PGM5: variants seen among roughly 807,000 people sequenced by gnomAD.
The protein encoded by PGM5 is phosphoglucomutase 5.
A neutral mutation model predicts 59.2 loss-of-function variants in PGM5; 23 were observed. That is an observed-to-expected ratio of 0.39 (90% CI 0.28 to 0.55). The LOEUF (loss-of-function observed/expected upper bound fraction) is 0.55. Among genes scored for constraint, PGM5 ranks in the 20% least tolerant of loss-of-function variants. The pLI, the probability that PGM5 is intolerant of heterozygous loss-of-function variation, is 0.66. For missense variants in PGM5, 574 were observed against 748.3 expected (o/e 0.77, Z 2.72); for synonymous variants, 214 against 286.0 (o/e 0.75, Z 2.54).
At chr9:68,503,910 A>C (rs1337432777) in intron 10 of PGM5, among the ~76,000 whole-genome samples, 9 of 152,248 alleles carry the variant, frequency 5.9e-5, no homozygotes, top group African/African-American at 1.9e-4. Context: ...CAAACTAATT[A>C]CCGGCCAATC....
At chr9:68,456,352 C>G (rs1823775643) in intron 6 of PGM5, among the ~76,000 whole-genome samples, 1 of 151,622 alleles carries the variant, frequency 6.6e-6, no homozygotes, top group African/African-American at 2.4e-5. Flanking sequence ...GCTGTGTCAC[C>G]CAGGCTGAAG....
At chr9:68,422,945 G>C (rs1425941381) in intron 6 of PGM5, among the ~76,000 whole-genome samples, 1 of 152,168 alleles carries the variant, frequency 6.6e-6, no homozygotes, top group Non-Finnish European at 1.5e-5. Flanking sequence ...TCATAGCTTA[G>C]CTCCCACTTA....
At chr9:68,489,349 G>T (rs758183125) in intron 9 of PGM5, among the ~76,000 whole-genome samples, 43 of 152,150 alleles carry the variant, frequency 2.8e-4, no homozygotes, top group Non-Finnish European at 3.7e-4. Context: ...AACTGGATTT[G>T]AAATGAGAAA....
intron 6 of PGM5, among the ~76,000 whole-genome samples, chr9:68,450,266 A>G (rs1275765634): frequency 5.4e-5 from 8 of 149,118 alleles, no homozygotes; most frequent in Non-Finnish European, 1.2e-4. Context: ...AACAAAAACA[A>G]AAACAAAACA....
At chr9:68,459,229 A>C (rs1823822876) in intron 6 of PGM5, among the ~76,000 whole-genome samples, 1 of 152,228 alleles carries the variant, frequency 6.6e-6, no homozygotes, top group African/African-American at 2.4e-5. Context: ...ATGGACATAC[A>C]GAAAAGGCAC....
intron 9 of PGM5, among the ~76,000 whole-genome samples, chr9:68,487,384 A>G (rs1023662921): frequency 6.6e-6 from 1 of 151,326 alleles, no homozygotes; most frequent in African/African-American, 2.4e-5. Flanking sequence ...CTTGACCAGA[A>G]TCCTTAATTT....
rs1823181159 is a variant in PGM5 at position 68,423,563 on chromosome 9, G to T, written c.1043+31090G>T. On this transcript the variant is annotated intron_variant, in intron 6 of 10. Coordinates refer to ENST00000396396, the MANE Select transcript of PGM5 (RefSeq NM_021965.4). ...GAATGGCATGCAGAGCTGACATTAG[G>T]TTCAATCAGGTTGTTTCTCTTCCCC... Among the ~76,000 whole-genome samples the T allele has an allele frequency of 1.3e-5, 2 of 151,920 alleles. 1 individual carries two copies. Among genetic ancestry groups the T allele is most frequent in the African/African-American group, 4.8e-5 (2 of 41,336 alleles).
intron 6 of PGM5, among the ~76,000 whole-genome samples, chr9:68,434,745 G>A (rs993633015): frequency 6.6e-6 from 1 of 151,460 alleles, no homozygotes; most frequent in South Asian, 2.1e-4. Context: ...GTCGGAGATC[G>A]CACCACTGCG....
intron 8 of PGM5, among the ~76,000 whole-genome samples, chr9:68,481,708 T>G (rs916970686): frequency 2.0e-5 from 3 of 152,250 alleles, no homozygotes; most frequent in Admixed American, 2.0e-4. Context: ...TAATTACTTC[T>G]TCATAACAAA....
rs782629119 is a variant in PGM5, at chr9:68,357,398, C to T, written c.261+10C>T. ...GGCCGCGGCCAACGGGGTGAGTGTC[C>T]GGATGCCCCTCGCTTCCCGCCGCGC... On this transcript the variant is annotated intron_variant, in intron 1 of 10. Coordinates refer to ENST00000396396, the MANE Select transcript of PGM5 (RefSeq NM_021965.4). The T allele has an allele frequency of 1.9e-6, 3 of 1,555,710 alleles. No individual in the cohort carries two copies. The highest frequency in any genetic ancestry group is 1.7e-6 in the Non-Finnish European group (2 of 1,153,428).
chr9:68,417,158 T>A lies in PGM5; in HGVS notation c.1043+24685T>A, dbSNP rs148244639. 1.4e-3 allele frequency among the ~76,000 whole-genome samples: 210 copies of A among 152,352 alleles called. 3 individuals are homozygous for A. In the East Asian group the frequency reaches 0.036, roughly 26 times the overall value. On this transcript the variant is annotated intron_variant, in intron 6 of 10. Transcript: ENST00000396396. The stretch of plus-strand genomic sequence containing the variant: ...GGGCCTACTGGTATCTTTAGGACCA[T>A]CTGCAGCACAGCTAGGTAAAGTAGG...
chr9:68,413,966 G>A (rs527948577), intron 6 of PGM5, among the ~76,000 whole-genome samples: 1 of 152,312 alleles, frequency 6.6e-6, no homozygotes, highest in East Asian at 1.9e-4. Context: ...GGGCCTAATG[G>A]GAGGTGTTTG....
At chr9:68,363,096 C>A (rs1254793285) in intron 1 of PGM5, among the ~76,000 whole-genome samples, 14 of 151,822 alleles carry the variant, frequency 9.2e-5, no homozygotes, top group African/African-American at 2.4e-4. Context: ...TCTTGAACTC[C>A]TGACCTCAAG....
chr9:68,387,126 G>A (rs1435379705), intron 3 of PGM5, among the ~76,000 whole-genome samples: 2 of 151,958 alleles, frequency 1.3e-5, no homozygotes, highest in Non-Finnish European at 2.9e-5. Flanking sequence ...GATGTGTGCT[G>A]TGTGCATTTT....
chr9:68,408,416 G>A (rs1822860901), intron 6 of PGM5, among the ~76,000 whole-genome samples: 1 of 152,092 alleles, frequency 6.6e-6, no homozygotes, highest in African/African-American at 2.4e-5. Flanking sequence ...CTTTTTGATG[G>A]GGTTGTTTGT....
intron 10 of PGM5, among the ~76,000 whole-genome samples, chr9:68,513,587 A>C (rs72714401): frequency 0.065 from 9,923 of 152,268 alleles, 425 homozygotes; most frequent in Middle Eastern, 0.11. Flanking sequence ...TGTCCCTGTG[A>C]ATGGGGCTTC....
At position 68,482,766 on chromosome 9, in the gene PGM5, G is replaced by C. The variant is rs1325010484; in HGVS notation, c.1296-1099G>C. On this transcript the variant is annotated intron_variant, in intron 8 of 10. Coordinates refer to ENST00000396396, the MANE Select transcript of PGM5 (RefSeq NM_021965.4). ...AGACCATCTGACATTGTAAAATATA[G>C]TTTATTTATGGTGGTGATGGCAAAT... 1.3e-4 allele frequency among the ~76,000 whole-genome samples: 20 copies of C among 152,188 alleles called. 1 individual carries two copies. Among genetic ancestry groups the C allele is most frequent in the Non-Finnish European group, 7.3e-5 (5 of 68,030 alleles).
chr9:68,388,793 A>T (rs1213677604), intron 4 of PGM5, among the ~76,000 whole-genome samples: 11 of 152,070 alleles, frequency 7.2e-5, no homozygotes, highest in Non-Finnish European at 1.5e-4. Context: ...TGCTATTTTG[A>T]TTTTTAATCC....
chr9:68,500,969 T>C (rs914073074), intron 10 of PGM5, among the ~76,000 whole-genome samples: 1 of 152,160 alleles, frequency 6.6e-6, no homozygotes, highest in African/African-American at 2.4e-5. Context: ...TTTTTTTTTT[T>C]CTTTTCCCAA....
Sources: allele counts gnomAD v4.1 joint callset (sites outside exome capture counted in the v4.1 genomes callset), GRCh38; gene constraint gnomAD v4.1.1; transcripts MANE v1.5; gene names NCBI Gene and HGNC (gene_info 2026-07-23, HGNC 2026-07-21).